The following ATL3 variants were observed in gnomAD, a reference collection of about 807,000 sequenced individuals.
ATL3 encodes the protein atlastin GTPase 3, also known as atlastin-3.
A neutral mutation model predicts 69.5 loss-of-function variants in ATL3; 49 were observed. That is an observed-to-expected ratio of 0.71 (90% CI 0.56 to 0.89). ATL3 has a LOEUF of 0.89. ATL3 is among the 40% of genes least tolerant of loss of function. The pLI is 0.00. For missense variants in ATL3, 606 were observed against 645.7 expected (o/e 0.94, Z 0.67); for synonymous variants, 214 against 224.1 (o/e 0.95, Z 0.40).
chr11:63,643,214 G>T, intron 8 of ATL3, 143 bp downstream of exon 8: 1 of 876,732 alleles, frequency 1.1e-6, no homozygotes, highest in Non-Finnish European at 1.6e-6. Flanking sequence ...TAAGTCAGGA[G>T]CAAAATCTGA....
intron 1 of ATL3, among the ~76,000 whole-genome samples, chr11:63,667,907 C>A (rs1438090315): frequency 1.3e-5 from 2 of 152,064 alleles, no homozygotes; most frequent in Non-Finnish European, 2.9e-5. Flanking sequence ...GGCCTCTACC[C>A]ACTAGATACC....
intron 1 of ATL3, among the ~76,000 whole-genome samples, chr11:63,668,740 C>A (rs1346641713): frequency 6.7e-6 from 1 of 148,510 alleles, no homozygotes; most frequent in Non-Finnish European, 1.5e-5. Context: ...ACTTTTGTAT[C>A]TCTTTCCTAA....
At chr11:63,635,618 T>C (rs753802919) in intron 9 of ATL3, 28 bp from the exon 10 acceptor site, 20 of 1,507,884 alleles carry the variant, frequency 1.3e-5, no homozygotes, top group Non-Finnish European at 1.7e-5. Context: ...AAAACTGCTA[T>C]AAAATGTTAT....
In ATL3 at chr11:63,629,249, G is replaced by A. The variant is rs1939222993; in HGVS notation, c.*70C>T. 3 of 1,266,400 alleles carry A rather than the reference G, an allele frequency of 2.4e-6. No individual in the cohort carries two copies. The Admixed American group carries it at 5.1e-5, about 22-fold the overall frequency. The allele number at this position is 1,266,400 out of a possible 1,614,324, so 78.4% of individuals were successfully genotyped here. A position where few individuals can be genotyped will look rare whatever the true frequency, so the allele number is the denominator to read the frequency against. ...CTGCCATTCCTCTGGATATGAACCT[G>A]TGGCCGTGGCAGAAACCCAGAAATC... is the stretch of plus-strand genomic sequence containing the variant. On this transcript the variant is annotated 3_prime_UTR_variant, in exon 13 of 13. Coordinates refer to ENST00000398868, the MANE Select transcript of ATL3 (RefSeq NM_015459.5).
chr11:63,670,944 G>A (rs1035110950), intron 1 of ATL3, among the ~76,000 whole-genome samples: 13 of 152,116 alleles, frequency 8.5e-5, no homozygotes, highest in African/African-American at 3.1e-4. Context: ...CGGGGCCGAA[G>A]CTCCGGACGC....
At chr11:63,653,159 T>G (rs1398409964) in intron 3 of ATL3, among the ~76,000 whole-genome samples, 1 of 151,150 alleles carries the variant, frequency 6.6e-6, no homozygotes, top group Non-Finnish European at 1.5e-5. Flanking sequence ...GGTGAAATCG[T>G]GTCTCTACCA....
intron 6 of ATL3, among the ~76,000 whole-genome samples, chr11:63,646,061 C>T (rs1017317659): frequency 2.4e-3 from 5 of 2,096 alleles, no homozygotes; most frequent in Admixed American, 0.018. Flanking sequence ...ACTGTACCTA[C>T]CCCCATTTTT....
At position 63,671,344 on chromosome 11, in the gene ATL3, C is replaced by CGCCTTCA; in HGVS notation, c.-16_-10dup. The CGCCTTCA allele has an allele frequency of 1.9e-6, 3 of 1,579,854 alleles. No homozygotes were observed. Among genetic ancestry groups the CGCCTTCA allele is most frequent in the Non-Finnish European group, 1.7e-6 (2 of 1,165,394 alleles). ...CGCTGAGGGGACAACATGGAGCCTC[C>CGCCTTCA]GCCTTCAAAGCAGAAGCAGCAGGGG... is the stretch of plus-strand genomic sequence containing the variant. On this transcript the variant is annotated 5_prime_UTR_variant, in exon 1 of 13. Coordinates refer to ENST00000398868, the MANE Select transcript of ATL3 (RefSeq NM_015459.5).
upstream of ATL3, chr11:63,671,720 C>A: frequency 7.9e-7 from 1 of 1,269,468 alleles, no homozygotes. Context: ...CCTCATACTG[C>A]GCACTCATCT....
intron 1 of ATL3, among the ~76,000 whole-genome samples, chr11:63,668,546 C>G (rs964539685): frequency 1.3e-5 from 2 of 152,164 alleles, no homozygotes; most frequent in African/African-American, 4.8e-5. Context: ...GAAGGCTGAA[C>G]AAAACCATAT....
chr11:63,629,739 G>A (rs149875691), intron 12 of ATL3, among the ~76,000 whole-genome samples: 35 of 152,262 alleles, frequency 2.3e-4, no homozygotes, highest in African/African-American at 8.4e-4. Flanking sequence ...GAGCTACTGG[G>A]TTAGTCAGGT....
chr11:63,656,678 G>A (rs1940260444), intron 3 of ATL3, among the ~76,000 whole-genome samples: 1 of 149,804 alleles, frequency 6.7e-6, no homozygotes, highest in South Asian at 2.1e-4. Context: ...AGGTTGAAGT[G>A]AGCCGAGATC....
chr11:63,661,146 C>T (rs559067693), intron 1 of ATL3, among the ~76,000 whole-genome samples: 16 of 151,106 alleles, frequency 1.1e-4, no homozygotes, highest in East Asian at 5.8e-4. Flanking sequence ...TTGCTTGAAC[C>T]GGGAGGCAGA....
At chr11:63,630,352 A>T (rs1939267494) in intron 12 of ATL3, among the ~76,000 whole-genome samples, 1 of 147,538 alleles carries the variant, frequency 6.8e-6, no homozygotes, top group South Asian at 2.2e-4. Context: ...ACTTGAACCC[A>T]GTGGGCAGAG....
At chr11:63,634,216 A>G (rs1939438181) in intron 10 of ATL3, among the ~76,000 whole-genome samples, 3 of 151,090 alleles carry the variant, frequency 2.0e-5, no homozygotes, top group Non-Finnish European at 3.0e-5. Context: ...AGAAGAAGAA[A>G]AAAAAGGGGG....
Position 63,633,092 on chromosome 11 carries a change from A to C in ATL3, c.1041T>G (p.Thr347=), listed in dbSNP as rs1035221774. Residue 347 remains threonine (T), a synonymous_variant, in exon 11 of 13, where the codon ACT becomes ACG. Transcript: ENST00000398868. The stretch of plus-strand genomic sequence containing the variant: ...CAGCTGCTAAGTTGTTGGCTTCAGC[A>C]GTGGCCTTTTAAGAGAGAAAAACGT... ...LPHPKSMLQA[T]AEANNLAAAA... is the part of the protein sequence containing the mutation. The C allele has an allele frequency of 1.9e-6, 3 of 1,613,904 alleles. No homozygotes were observed. In the African/African-American group the frequency reaches 4.0e-5, roughly 22 times the overall value.
At chr11:63,641,765 A>G (rs1265151620) in intron 8 of ATL3, among the ~76,000 whole-genome samples, 1 of 152,242 alleles carries the variant, frequency 6.6e-6, no homozygotes, top group Non-Finnish European at 1.5e-5. Flanking sequence ...TACAACCAAA[A>G]GTGACACAAA....
chr11:63,663,526 C>T (rs975131327), intron 1 of ATL3, among the ~76,000 whole-genome samples: 1 of 152,170 alleles, frequency 6.6e-6, no homozygotes, highest in African/African-American at 2.4e-5. Flanking sequence ...TCAATGTATA[C>T]TAATACTTTT....
At position 63,658,804 on chromosome 11, in the gene ATL3, A is replaced by G; in HGVS notation, c.362T>C (p.Ile121Thr). ...CTCCACAGTGAAAACTTCACTCCAGATTTGAATCCCAGTGGTTTCTGGATC... is the reference window on the plus strand; with the variant it reads ...CTCCACAGTGAAAACTTCACTCCAGGTTTGAATCCCAGTGGTTTCTGGATC... ...GSDPETTGIQ[I>T]WSEVFTVEKP... The change falls in exon 3 of 13, where the codon ATC becomes ACC. Residue 121 changes from isoleucine to threonine, a missense_variant. Transcript: ENST00000398868. 1 of 1,612,234 alleles carries G rather than the reference A, an allele frequency of 6.2e-7. No homozygotes were observed. The highest frequency in any genetic ancestry group is 8.5e-7 in the Non-Finnish European group (1 of 1,179,356).
Sources: allele counts gnomAD v4.1 joint callset (sites outside exome capture counted in the v4.1 genomes callset), GRCh38; gene constraint gnomAD v4.1.1; transcripts MANE v1.5; gene names NCBI Gene and HGNC (gene_info 2026-07-23, HGNC 2026-07-21).